Variants in SPAG16 observed in about 807,000 individuals in gnomAD.
The protein encoded by SPAG16 is sperm-associated antigen 16 protein.
SPAG16 carries 86 observed loss-of-function variants against 80.4 expected under a neutral mutation model. That is an observed-to-expected ratio of 1.07 (90% CI 0.90 to 1.28). The LOEUF is 1.28. Among genes scored for constraint, SPAG16 ranks in the 50% most tolerant of loss-of-function variants. SPAG16 has a pLI of 0.00. For synonymous variants in SPAG16, 294 were observed against 265.9 expected (o/e 1.11, Z -1.03); for missense variants, 870 against 765.3 (o/e 1.14, Z -1.61).
At chr2:214,268,228 T>G (rs745931246) in intron 15 of SPAG16, among the ~76,000 whole-genome samples, 22 of 151,832 alleles carry the variant, frequency 1.4e-4, no homozygotes, top group South Asian at 8.3e-4. Context: ...GTATTGCAAA[T>G]TAATACAGCC....
At chr2:214,180,528 T>G (rs2057278072) in intron 15 of SPAG16, among the ~76,000 whole-genome samples, 1 of 151,664 alleles carries the variant, frequency 6.6e-6, no homozygotes, top group African/African-American at 2.4e-5. Context: ...TTCCATCTTA[T>G]TTAATTACCA....
At chr2:213,308,888 A>G (rs1050054945) in intron 3 of SPAG16, among the ~76,000 whole-genome samples, 4 of 152,142 alleles carry the variant, frequency 2.6e-5, no homozygotes, top group African/African-American at 7.2e-5. Context: ...TAACAAATAT[A>G]AAGTTCCAAA....
intron 10 of SPAG16, among the ~76,000 whole-genome samples, chr2:213,846,798 T>A (rs2074650619): frequency 6.6e-6 from 1 of 152,224 alleles, no homozygotes; most frequent in Non-Finnish European, 1.5e-5. Flanking sequence ...ACTTAAACAC[T>A]AATTTATCGC....
At chr2:214,351,914 C>G (rs1277879330) in intron 15 of SPAG16, among the ~76,000 whole-genome samples, 1 of 152,126 alleles carries the variant, frequency 6.6e-6, no homozygotes, top group African/African-American at 2.4e-5. Flanking sequence ...ATACCATACA[C>G]TGTGTAGCTT....
rs377430861 is a variant in SPAG16 at position 214,136,223 on chromosome 2, A to T, written c.1594-12917A>T. 1.4e-4 allele frequency among the ~76,000 whole-genome samples: 22 copies of T among 152,082 alleles called. No individual in the cohort carries two copies. The East Asian group carries it at 3.9e-3, about 27-fold the overall frequency. ...ACTCAAAAATCTCTCACCATGCCCT[A>T]CTCTAACACTGGGGATCATATTTCA... On this transcript the variant is annotated intron_variant, in intron 14 of 15. Transcript: ENST00000331683.
At chr2:214,311,017 C>T (rs1695261693) in intron 15 of SPAG16, among the ~76,000 whole-genome samples, 1 of 152,212 alleles carries the variant, frequency 6.6e-6, no homozygotes, top group Non-Finnish European at 1.5e-5. Context: ...ACACTTACGG[C>T]AACCTCCAAC....
At chr2:213,398,985 T>C (rs1411349025) in intron 9 of SPAG16, among the ~76,000 whole-genome samples, 1 of 152,180 alleles carries the variant, frequency 6.6e-6, no homozygotes, top group Non-Finnish European at 1.5e-5. Flanking sequence ...TGATCAGAAA[T>C]AGAGTGTTTC....
At chr2:213,758,254 G>C (rs2068452799) in intron 10 of SPAG16, 1 of 152,800 alleles carries the variant, frequency 6.5e-6, no homozygotes, top group Non-Finnish European at 1.5e-5. Flanking sequence ...CAAACTCTCA[G>C]TAAGAGGGAG....
chr2:213,316,942 G>A (rs1401796454), intron 4 of SPAG16, among the ~76,000 whole-genome samples: 1 of 152,088 alleles, frequency 6.6e-6, no homozygotes, highest in East Asian at 1.9e-4. Flanking sequence ...AAATAGGGAC[G>A]TAGACATTTT....
intron 9 of SPAG16, among the ~76,000 whole-genome samples, chr2:213,399,902 A>C (rs963393055): frequency 6.6e-6 from 1 of 152,072 alleles, no homozygotes; most frequent in Non-Finnish European, 1.5e-5. Context: ...TGACCATTTC[A>C]TCTGAGTTTT....
intron 9 of SPAG16, among the ~76,000 whole-genome samples, chr2:213,455,994 A>G (rs752645340): frequency 2.6e-5 from 4 of 152,188 alleles, no homozygotes; most frequent in Non-Finnish European, 5.9e-5. Context: ...TAAGGGAATA[A>G]GCTTGTCCAT....
At chr2:214,183,879 T>A (rs2057385100) in intron 15 of SPAG16, among the ~76,000 whole-genome samples, 1 of 152,018 alleles carries the variant, frequency 6.6e-6, no homozygotes. Context: ...TCACAAGTGG[T>A]TGAGGCAAAT....
intron 13 of SPAG16, among the ~76,000 whole-genome samples, chr2:214,073,340 C>A (rs1275655425): frequency 6.6e-6 from 1 of 151,424 alleles, no homozygotes; most frequent in Non-Finnish European, 1.5e-5. Flanking sequence ...CTGGTTCAAG[C>A]GACTCTCCTG....
chr2:213,336,047 G>A (rs1158150444), intron 5 of SPAG16, among the ~76,000 whole-genome samples: 1 of 152,106 alleles, frequency 6.6e-6, no homozygotes, highest in East Asian at 1.9e-4. Flanking sequence ...AACCCAGGGA[G>A]AGCAAAGAAG....
intron 9 of SPAG16, among the ~76,000 whole-genome samples, chr2:213,395,263 C>A (rs2067972726): frequency 6.6e-6 from 1 of 151,898 alleles, no homozygotes; most frequent in Non-Finnish European, 1.5e-5. Flanking sequence ...CTTCTTCTAG[C>A]TTTGGGTTTA....
At chr2:213,539,367 C>T (rs2076353309) in intron 10 of SPAG16, among the ~76,000 whole-genome samples, 1 of 152,088 alleles carries the variant, frequency 6.6e-6, no homozygotes, top group Admixed American at 6.6e-5. Context: ...TGTTTAAATG[C>T]TCATTAAGCA....
chr2:214,379,789 T>C (rs1165365366), intron 15 of SPAG16, among the ~76,000 whole-genome samples: 1 of 152,106 alleles, frequency 6.6e-6, no homozygotes, highest in Non-Finnish European at 1.5e-5. Flanking sequence ...GCTTGCCAGG[T>C]GGGCATACTA....
intron 10 of SPAG16, among the ~76,000 whole-genome samples, chr2:213,698,320 G>A (rs1158231067): frequency 1.3e-5 from 2 of 152,028 alleles, no homozygotes; most frequent in Non-Finnish European, 2.9e-5. Flanking sequence ...GGAGTGTAGT[G>A]GCACAATCAT....
intron 11 of SPAG16, among the ~76,000 whole-genome samples, chr2:213,895,299 G>C (rs527678152): frequency 6.6e-6 from 1 of 152,074 alleles, no homozygotes; most frequent in East Asian, 1.9e-4. Context: ...GATATTTCAT[G>C]CTCACGGATT....
Sources: gnomAD v4.1 joint callset for allele counts (sites outside exome capture counted in the v4.1 genomes callset) on GRCh38, gnomAD v4.1.1 for gene constraint, MANE v1.5 for transcripts, NCBI Gene and HGNC (gene_info 2026-07-23, HGNC 2026-07-21) for gene names.